DROSHA: variants seen among roughly 807,000 people sequenced by gnomAD.
DROSHA encodes the protein ribonuclease 3.
Under a neutral mutation model 181.9 loss-of-function variants are expected in DROSHA, and 56 were observed. That is an observed-to-expected ratio of 0.31 (90% CI 0.25 to 0.38). DROSHA has a LOEUF of 0.38. Among genes scored for constraint, DROSHA ranks in the 10% least tolerant of loss-of-function variants. The pLI, the probability that DROSHA is intolerant of heterozygous loss-of-function variation, is 1.00. For synonymous variants in DROSHA, 524 were observed against 591.2 expected (o/e 0.89, Z 1.65); for missense variants, 1,218 against 1,743.5 (o/e 0.70, Z 5.37).
intron 16 of DROSHA, among the ~76,000 whole-genome samples, chr5:31,482,923 C>G (rs1175253129): frequency 6.6e-6 from 1 of 151,670 alleles, no homozygotes; most frequent in African/African-American, 2.4e-5. Context: ...TCCCAAATAG[C>G]TGAGACTATA....
Position 31,410,841 on chromosome 5 carries a change from G to A in DROSHA, c.3572C>T (p.Ala1191Val), listed in dbSNP as rs758133428. 28 of 1,613,768 alleles carry A rather than the reference G, an allele frequency of 1.7e-5. No homozygotes were observed. The highest frequency in any genetic ancestry group is 2.2e-5 in the East Asian group (1 of 44,888). ...LVNNRTQAKV[A>V]EELGMQEYAI... ...GTACTCCTGCATGCCCAGCTCCTCC[G>A]CTACCTTGGCCTGAGTTCTATTATT... Residue 1191 changes from alanine to valine, a missense_variant, in exon 31 of 36, where the codon GCG becomes GTG. Ala to Val is a moderately conservative substitution (Grantham distance 64). Transcript: ENST00000344624.
chr5:31,468,180 G>T, intron 17 of DROSHA, 117 bp from the exon 18 acceptor site: 1 of 1,222,506 alleles, frequency 8.2e-7, no homozygotes, highest in Non-Finnish European at 1.1e-6. Flanking sequence ...TCCCCAAAGG[G>T]AAAAGGTCAT....
Position 31,514,842 on chromosome 5 carries a change from C to G in DROSHA, c.1290+146G>C. The G allele has an allele frequency of 1.4e-6, 1 of 694,860 alleles. No homozygotes were observed. Among genetic ancestry groups the G allele is most frequent in the East Asian group, 2.7e-5 (1 of 36,566 alleles). The allele number at this position is 694,860 out of a possible 1,614,324, so 43.0% of individuals were successfully genotyped here. A position where few individuals can be genotyped will look rare whatever the true frequency, so the allele number is the denominator to read the frequency against. ...AACTGGGGAGGGGTACTACTGGCAT[C>G]TAACAGGTAGAGCCCAGAGATGCCG... On this transcript the variant is annotated intron_variant, in intron 8 of 35. Coordinates refer to ENST00000344624, the MANE Select transcript of DROSHA (RefSeq NM_001382508.1). The surrounding 1 kb of genome is among the most constrained non-coding windows in gnomAD (Gnocchi z 4.4).
intron 19 of DROSHA, among the ~76,000 whole-genome samples, chr5:31,464,571 T>C (rs1303996777): frequency 6.7e-6 from 1 of 148,562 alleles, no homozygotes; most frequent in Non-Finnish European, 1.5e-5. Flanking sequence ...TAAGAAAAAC[T>C]CTAAACCAAA....
At chr5:31,456,063 A>T (rs1747621272) in intron 20 of DROSHA, among the ~76,000 whole-genome samples, 1 of 152,204 alleles carries the variant, frequency 6.6e-6, no homozygotes, top group South Asian at 2.1e-4. Context: ...CCGTTAAAAC[A>T]AAGGCCACAG....
At chr5:31,407,724 G>A (rs1561111385) in intron 33 of DROSHA, among the ~76,000 whole-genome samples, 1 of 152,128 alleles carries the variant, frequency 6.6e-6, no homozygotes, top group South Asian at 2.1e-4. Flanking sequence ...TTATGAGAAG[G>A]GAGCATAGCA....
chr5:31,466,254 C>G lies in DROSHA; in HGVS notation c.2394G>C (p.Val798=), dbSNP rs143623944. 1.9e-6 allele frequency: 3 copies of G among 1,613,594 alleles called. No individual in the cohort carries two copies. Among genetic ancestry groups the G allele is most frequent in the East Asian group, 4.5e-5 (2 of 44,844 alleles). The change falls in exon 19 of 36, where the codon GTG becomes GTC. Residue 798 remains valine (V), a synonymous_variant. Coordinates refer to ENST00000344624, the MANE Select transcript of DROSHA (RefSeq NM_001382508.1). ...TATTTGCTAGGAGGTGGCGAAGTTT[C>G]ACATAACTCTTCCACAGTTTTTGGT... ...PQYQKLWKSY[V]KLRHLLANSP...
Position 31,526,210 on chromosome 5 carries a change from A to G in DROSHA, c.723T>C (p.Gly241=). Residue 241 remains glycine (G), a synonymous_variant, in exon 5 of 36, where the codon GGT becomes GGC. Transcript: ENST00000344624. ...GCCGATCCAGGGACCGATGCCTCTC[A>G]CCTCGCCCATGACTGTGATCTCGGT... ...HRHRDHSHGR[G]ERHRSLDRRE... The G allele has an allele frequency of 1.2e-6, 2 of 1,605,622 alleles. No individual in the cohort carries two copies. The highest frequency in any genetic ancestry group is 1.7e-6 in the Non-Finnish European group (2 of 1,177,306).
At chr5:31,531,765 C>G (rs1741432569) in intron 1 of DROSHA, among the ~76,000 whole-genome samples, 1 of 152,042 alleles carries the variant, frequency 6.6e-6, no homozygotes, top group Admixed American at 6.5e-5. Context: ...AGGCCTGGAC[C>G]ATAGTGTGTG....
intron 13 of DROSHA, among the ~76,000 whole-genome samples, chr5:31,488,614 T>C (rs1752058536): frequency 6.6e-6 from 1 of 152,162 alleles, no homozygotes; most frequent in East Asian, 1.9e-4. Context: ...AACTCTATTA[T>C]GTAGCCCTTA....
intron 18 of DROSHA, among the ~76,000 whole-genome samples, chr5:31,466,807 G>A (rs1340189027): frequency 6.6e-6 from 1 of 152,148 alleles, no homozygotes; most frequent in East Asian, 1.9e-4. Context: ...GAGGATAAAA[G>A]ACTAATGGTG....
At chr5:31,416,373 T>C (rs1357075784) in intron 30 of DROSHA, among the ~76,000 whole-genome samples, 1 of 152,220 alleles carries the variant, frequency 6.6e-6, no homozygotes, top group East Asian at 1.9e-4. Flanking sequence ...GTTGTCACTC[T>C]TCTATTTATT....
intron 27 of DROSHA, among the ~76,000 whole-genome samples, chr5:31,428,822 AAAT>A (rs1314115502): frequency 6.6e-6 from 1 of 152,184 alleles, no homozygotes; most frequent in Non-Finnish European, 1.5e-5. Flanking sequence ...TTTAAATGTT[AAAT>A]TGACTTGTTT....
chr5:31,513,805 G>C (rs749977961), intron 8 of DROSHA, among the ~76,000 whole-genome samples: 5 of 152,096 alleles, frequency 3.3e-5, no homozygotes, highest in Non-Finnish European at 7.3e-5. Context: ...TTAATTAAAT[G>C]AATGAGATGT....
chr5:31,490,468 G>A (rs1752279070), intron 13 of DROSHA, among the ~76,000 whole-genome samples: 1 of 152,118 alleles, frequency 6.6e-6, no homozygotes, highest in South Asian at 2.1e-4. Flanking sequence ...CACTGCACCT[G>A]GCAAATACAC....
chr5:31,409,036 T>G lies in DROSHA; in HGVS notation c.3854+20A>C. ...GGCATGCTGGATCCAACCAATGGCC[T>G]GCAGGCAACAAGTACTTACTTGTAC... On this transcript the variant is annotated intron_variant, in intron 33 of 35. Coordinates refer to ENST00000344624, the MANE Select transcript of DROSHA (RefSeq NM_001382508.1). The surrounding 1 kb of genome is among the most constrained non-coding windows in gnomAD (Gnocchi z 4.0). 8.7e-6 allele frequency: 14 copies of G among 1,608,968 alleles called. No individual in the cohort carries two copies. The highest frequency in any genetic ancestry group is 1.1e-5 in the Non-Finnish European group (13 of 1,177,078).
chr5:31,529,000 G>T (rs201067205), intron 4 of DROSHA, 40 bp downstream of exon 4: 12 of 1,610,722 alleles, frequency 7.5e-6, no homozygotes, highest in Non-Finnish European at 1.0e-5. Context: ...CTCCTCTCTC[G>T]GTTCTCCCAA....
At chr5:31,523,976 CA>C (rs10718385) in intron 5 of DROSHA, among the ~76,000 whole-genome samples, 47,750 of 104,296 alleles carry the variant, frequency 0.46, 8,972 homozygotes, top group East Asian at 0.69. Flanking sequence ...ACTTTGTCTC[CA>C]AAAAAAAAAA....
intron 35 of DROSHA, among the ~76,000 whole-genome samples, chr5:31,405,059 T>A (rs16901092): frequency 1.3e-5 from 2 of 151,976 alleles, no homozygotes; most frequent in Admixed American, 1.3e-4. Context: ...TTTTAGAGAA[T>A]AGAGAAATGT....
Sources: gnomAD v4.1 joint callset for allele counts (sites outside exome capture counted in the v4.1 genomes callset) on GRCh38, gnomAD v4.1.1 for gene constraint, Gnocchi (gnomAD v3.1) non-coding constraint, MANE v1.5 for transcripts, NCBI Gene and HGNC (gene_info 2026-07-23, HGNC 2026-07-21) for gene names.